The following WWOX variants were observed in gnomAD, a reference collection of about 807,000 sequenced individuals.
WWOX encodes WW domain-containing oxidoreductase.
Under a neutral mutation model 46.2 loss-of-function variants are expected in WWOX, and 69 were observed. The observed-to-expected ratio is 1.49, with a 90% CI of 1.23 to 1.82. The LOEUF is 1.82. Among genes scored for constraint, WWOX ranks in the 40% most tolerant of loss-of-function variants. The pLI is 0.00. For missense variants in WWOX, 919 were observed against 542.6 expected (o/e 1.69, Z -6.89); for synonymous variants, 359 against 202.6 (o/e 1.77, Z -6.56).
At chr16:78,362,639 G>C (rs945803816) in intron 5 of WWOX, among the ~76,000 whole-genome samples, 1 of 151,700 alleles carries the variant, frequency 6.6e-6, no homozygotes, top group Non-Finnish European at 1.5e-5. Flanking sequence ...GAAAAGAAAG[G>C]AAAAAAAATC....
intron 8 of WWOX, among the ~76,000 whole-genome samples, chr16:78,467,167 T>G (rs770216324): frequency 1.3e-5 from 2 of 152,184 alleles, no homozygotes; most frequent in Non-Finnish European, 2.9e-5. Flanking sequence ...TTTCCTTCTT[T>G]TTAAAAAAAA....
chr16:78,597,026 A>T (rs1477675551), intron 8 of WWOX, among the ~76,000 whole-genome samples: 1 of 152,130 alleles, frequency 6.6e-6, no homozygotes, highest in East Asian at 1.9e-4. Context: ...ATCCCCTCCC[A>T]ATCTCATTGC....
intron 5 of WWOX, among the ~76,000 whole-genome samples, chr16:78,210,149 G>A (rs1157503173): frequency 6.6e-6 from 1 of 152,114 alleles, no homozygotes; most frequent in Non-Finnish European, 1.5e-5. Context: ...CATTACAAGG[G>A]TGATAGGTTT....
intron 8 of WWOX, among the ~76,000 whole-genome samples, chr16:78,677,539 C>T (rs954858766): frequency 6.6e-6 from 1 of 152,190 alleles, no homozygotes; most frequent in African/African-American, 2.4e-5. Context: ...AGCCTCTGCT[C>T]TAGGAGGAAT....
At chr16:78,150,043 G>T (rs1182972592) in intron 4 of WWOX, among the ~76,000 whole-genome samples, 2 of 152,182 alleles carry the variant, frequency 1.3e-5, no homozygotes, top group African/African-American at 4.8e-5. Flanking sequence ...TGAGGGCTCA[G>T]TCCTACAGGA....
intron 8 of WWOX, among the ~76,000 whole-genome samples, chr16:78,790,416 T>G (rs1374044347): frequency 6.6e-6 from 1 of 152,174 alleles, no homozygotes; most frequent in Non-Finnish European, 1.5e-5. Flanking sequence ...ATTACAGGTG[T>G]GAGCCACCGT....
At chr16:79,207,069 G>T (rs190751000) in intron 8 of WWOX, among the ~76,000 whole-genome samples, 7 of 152,280 alleles carry the variant, frequency 4.6e-5, no homozygotes, top group Non-Finnish European at 7.3e-5. Flanking sequence ...AGCCTCTCCT[G>T]GGGGAGTGTT....
intron 8 of WWOX, among the ~76,000 whole-genome samples, chr16:78,454,391 ATG>A (rs201322483): frequency 0.066 from 10,022 of 151,830 alleles, 520 homozygotes; most frequent in South Asian, 0.16. Context: ...TATTATATGC[ATG>A]TGTGTGTATT....
At chr16:78,445,999 A>G (rs1157347101) in intron 8 of WWOX, among the ~76,000 whole-genome samples, 2 of 152,218 alleles carry the variant, frequency 1.3e-5, no homozygotes, top group Non-Finnish European at 2.9e-5. Context: ...GAAATAGTCA[A>G]ATGCGTAGCT....
intron 8 of WWOX, among the ~76,000 whole-genome samples, chr16:78,710,843 C>G (rs568358740): frequency 1.3e-5 from 2 of 151,942 alleles, no homozygotes; most frequent in African/African-American, 4.8e-5. Flanking sequence ...TCTCAAACTC[C>G]TGAGCTCAAG....
chr16:78,278,592 G>T lies in WWOX; in HGVS notation c.517-108268G>T, dbSNP rs8048830. The T allele has an allele frequency of 0.078, 122,283 of 1,569,688 alleles. 6,251 individuals are homozygous for T. Among genetic ancestry groups the T allele is most frequent in the African/African-American group, 0.16 (12,285 of 74,578 alleles). ...AATTTTACACAACTGTCTTTTGTTTGTATCTTACAGAAAACAAAATACCAC... is the reference window on the plus strand; with the variant it reads ...AATTTTACACAACTGTCTTTTGTTTTTATCTTACAGAAAACAAAATACCAC... On this transcript the variant is annotated intron_variant, in intron 5 of 8. Transcript: ENST00000566780.
intron 8 of WWOX, among the ~76,000 whole-genome samples, chr16:78,779,550 C>T (rs2050274499): frequency 6.6e-6 from 1 of 152,180 alleles, no homozygotes; most frequent in Admixed American, 6.5e-5. Context: ...TTGTGCTCAG[C>T]TCTTTGTACA....
chr16:78,766,561 C>A (rs1172095945), intron 8 of WWOX, among the ~76,000 whole-genome samples: 1 of 152,172 alleles, frequency 6.6e-6, no homozygotes, highest in African/African-American at 2.4e-5. Context: ...GCACTCCAGC[C>A]TGGGCGACAG....
At chr16:78,578,254 T>TTATGTATATATATATATATATATA (rs1555567048) in intron 8 of WWOX, among the ~76,000 whole-genome samples, 2 of 31,630 alleles carry the variant, frequency 6.3e-5, no homozygotes, top group Non-Finnish European at 1.2e-4. Flanking sequence ...ATACCAAATT[T>TTATGTATATATATATATATATATA]TATATATATA....
At chr16:78,230,329 A>G (rs1159645035) in intron 5 of WWOX, among the ~76,000 whole-genome samples, 4 of 152,230 alleles carry the variant, frequency 2.6e-5, no homozygotes, top group Non-Finnish European at 2.9e-5. Context: ...GGCCAGGCCT[A>G]GTATTTCAGC....
chr16:78,581,093 G>A (rs1267118926), intron 8 of WWOX, among the ~76,000 whole-genome samples: 1 of 151,964 alleles, frequency 6.6e-6, no homozygotes, highest in Non-Finnish European at 1.5e-5. Flanking sequence ...AGCTTTCTTG[G>A]TTATTTTCTG....
intron 6 of WWOX, 95 bp from the exon 7 acceptor site, chr16:78,424,775 G>GT: frequency 7.2e-7 from 1 of 1,383,468 alleles, no homozygotes; most frequent in Non-Finnish European, 1.0e-6. Flanking sequence ...TGGTTGTAGT[G>GT]TTTATGTCCA....
At chr16:78,568,209 G>T (rs1567650343) in intron 8 of WWOX, among the ~76,000 whole-genome samples, 1 of 152,000 alleles carries the variant, frequency 6.6e-6, no homozygotes, top group Non-Finnish European at 1.5e-5. Flanking sequence ...AACAACATCG[G>T]CTGTGCATAG....
At chr16:78,328,109 T>A (rs1380159242) in intron 5 of WWOX, among the ~76,000 whole-genome samples, 1 of 152,050 alleles carries the variant, frequency 6.6e-6, no homozygotes, top group Non-Finnish European at 1.5e-5. Context: ...CCTGGCCTCA[T>A]GTGATTGCCC....
Sources: gnomAD v4.1 joint callset for allele counts (sites outside exome capture counted in the v4.1 genomes callset) on GRCh38, gnomAD v4.1.1 for gene constraint, MANE v1.5 for transcripts, NCBI Gene and HGNC (gene_info 2026-07-23, HGNC 2026-07-21) for gene names.